The following ENOX1 variants were observed in gnomAD, a reference collection of about 807,000 sequenced individuals.
ENOX1 encodes the protein candidate growth-related and time keeping constitutive hydroquinone (NADH) oxidase.
Under a neutral mutation model 82.5 loss-of-function variants are expected in ENOX1, and 42 were observed. The ratio of observed to expected loss-of-function variants is 0.51; its 90% CI spans 0.40 to 0.66. The LOEUF is 0.66. Ranked by LOEUF, ENOX1 falls within the 30% of genes least tolerant of loss-of-function variation. ENOX1 has a pLI of 0.00. For missense variants in ENOX1, 608 were observed against 811.6 expected (o/e 0.75, Z 3.05); for synonymous variants, 271 against 282.2 (o/e 0.96, Z 0.40).
At chr13:43,647,390 CTTTCTGGTTAGAAGCCCAA>C (rs2083944950) in intron 2 of ENOX1, among the ~76,000 whole-genome samples, 1 of 152,180 alleles carries the variant, frequency 6.6e-6, no homozygotes, top group African/African-American at 2.4e-5. Flanking sequence ...ACACTGATCC[CTTTCTGGTTAGAAGCCCAA>C]TTTCTGATTG....
intron 2 of ENOX1, among the ~76,000 whole-genome samples, chr13:43,612,384 G>C (rs2082235105): frequency 1.3e-5 from 2 of 152,160 alleles, no homozygotes; most frequent in African/African-American, 4.8e-5. Context: ...TCATATTTGA[G>C]AGACAGAGTT....
In ENOX1 at chr13:43,270,732, G is replaced by GT. The variant is rs563499684; in HGVS notation, c.1447-1156dup. Among the ~76,000 whole-genome samples, 42 of 152,288 alleles carry GT rather than the reference G, an allele frequency of 2.8e-4. 2 individuals carry two copies. In the East Asian group the frequency reaches 4.6e-3, roughly 17 times the overall value. On this transcript the variant is annotated intron_variant, in intron 12 of 16. Coordinates refer to ENST00000690772, the MANE Select transcript of ENOX1 (RefSeq NM_001347969.2). ...GTTCTGCTAACTACTGTGGCACTGGGTATAAATGTAAGAACCTACTTTGGT... is the reference window on the plus strand; with the variant it reads ...GTTCTGCTAACTACTGTGGCACTGGGTTATAAATGTAAGAACCTACTTTGGT...
Position 43,249,828 on chromosome 13 carries a change from T to C in ENOX1, c.1612-13090A>G, listed in dbSNP as rs140638926. 4.6e-4 allele frequency among the ~76,000 whole-genome samples: 70 copies of C among 152,314 alleles called. 1 individual carries two copies. In the East Asian group the frequency reaches 0.012, roughly 26 times the overall value. On this transcript the variant is annotated intron_variant, in intron 14 of 16. Transcript: ENST00000690772. ...GCATACTGTGAGATCTTAGTAAACA[T>C]TGAATATCTTCCTTCTCTCACACCC... is the stretch of plus-strand genomic sequence containing the variant.
At chr13:43,368,190 A>T in intron 5 of ENOX1, among the ~76,000 whole-genome samples, 1 of 152,214 alleles carries the variant, frequency 6.6e-6, no homozygotes. Context: ...ATCCAGAGTG[A>T]GTTCCTGGTG....
intron 5 of ENOX1, among the ~76,000 whole-genome samples, chr13:43,363,140 C>T (rs1183888862): frequency 1.3e-5 from 2 of 152,164 alleles, no homozygotes; most frequent in African/African-American, 4.8e-5. Flanking sequence ...ACACAAAAGA[C>T]TTAAAGTTTT....
chr13:43,695,665 C>A (rs1253304938), intron 1 of ENOX1, among the ~76,000 whole-genome samples: 2 of 152,112 alleles, frequency 1.3e-5, no homozygotes, highest in Non-Finnish European at 2.9e-5. Context: ...CCAGGCTAGT[C>A]TCGAACTCCT....
chr13:43,640,900 ACACACACGCACG>A (rs1308922296), intron 2 of ENOX1, among the ~76,000 whole-genome samples: 4 of 59,374 alleles, frequency 6.7e-5, no homozygotes, highest in Non-Finnish European at 1.2e-4. Context: ...ACACACGTAC[ACACACACGCACG>A]CACACATACA....
intron 2 of ENOX1, among the ~76,000 whole-genome samples, chr13:43,500,578 G>C (rs1566389960): frequency 6.6e-6 from 1 of 152,006 alleles, no homozygotes; most frequent in African/African-American, 2.4e-5. Flanking sequence ...TATAAGAAGT[G>C]TGAAAGGGAG....
chr13:43,262,639 G>A (rs2044142597), intron 14 of ENOX1, among the ~76,000 whole-genome samples: 1 of 151,996 alleles, frequency 6.6e-6, no homozygotes, highest in South Asian at 2.1e-4. Context: ...TGATCCTCCT[G>A]CTTCAGCCTC....
chr13:43,538,018 G>A (rs1269318017), intron 2 of ENOX1, among the ~76,000 whole-genome samples: 3 of 152,252 alleles, frequency 2.0e-5, no homozygotes, highest in South Asian at 2.1e-4. Flanking sequence ...CTGGGCTAAG[G>A]ACCCAGCCTC....
At chr13:43,382,893 A>C (rs1444617614) in intron 5 of ENOX1, among the ~76,000 whole-genome samples, 3 of 152,218 alleles carry the variant, frequency 2.0e-5, no homozygotes, top group African/African-American at 7.2e-5. Context: ...CTTGGTTTCA[A>C]CTAGGGAATG....
chr13:43,500,134 T>C (rs1433093358), intron 2 of ENOX1, among the ~76,000 whole-genome samples: 1 of 152,050 alleles, frequency 6.6e-6, no homozygotes, highest in Non-Finnish European at 1.5e-5. Flanking sequence ...AGCAAACTAA[T>C]ATATGCATTA....
chr13:43,679,404 A>G lies in ENOX1; in HGVS notation c.-284-11860T>C, dbSNP rs539415617. ...ATCTGTGGCCTCATGACACACACAC[A>G]CGTTTTGGTAAAAGCTTCAAGGAGG... On this transcript the variant is annotated intron_variant, in intron 1 of 16. Transcript: ENST00000690772. 8.5e-5 allele frequency among the ~76,000 whole-genome samples: 13 copies of G among 152,230 alleles called. No homozygotes were observed. In the East Asian group the frequency reaches 2.3e-3, roughly 27 times the overall value.
At chr13:43,511,438 C>T in intron 2 of ENOX1, among the ~76,000 whole-genome samples, 1 of 152,090 alleles carries the variant, frequency 6.6e-6, no homozygotes, top group Non-Finnish European at 1.5e-5. Flanking sequence ...CTTTGTGCTC[C>T]ATAGTACTGA....
chr13:43,510,843 T>C (rs911538464), intron 2 of ENOX1, among the ~76,000 whole-genome samples: 2 of 152,118 alleles, frequency 1.3e-5, no homozygotes, highest in African/African-American at 2.4e-5. Context: ...ATTAAATAGA[T>C]TACTATCTGT....
chr13:43,218,159 A>C (rs9594911), intron 16 of ENOX1, among the ~76,000 whole-genome samples: 31,197 of 152,210 alleles, frequency 0.2, 3,714 homozygotes, highest in Non-Finnish European at 0.28. Flanking sequence ...ATTTTGAGAA[A>C]GCCAGAAATT....
intron 5 of ENOX1, among the ~76,000 whole-genome samples, chr13:43,400,270 A>G (rs2053419487): frequency 6.6e-6 from 1 of 151,582 alleles, no homozygotes; most frequent in Non-Finnish European, 1.5e-5. Flanking sequence ...CCAACCTTCC[A>G]TTCCTCATCA....
rs1318475919 is a variant in ENOX1, at chr13:43,213,235, C to A, written c.*755G>T. Among the ~76,000 whole-genome samples the A allele has an allele frequency of 1.3e-5, 2 of 152,072 alleles. No individual in the cohort carries two copies. The highest frequency in any genetic ancestry group is 2.9e-5 in the Non-Finnish European group (2 of 67,984). ...TTTTGATGCATAAACCTGAATGTTA[C>A]ATACCAAGTACAAGACAATAACACT... On this transcript the variant is annotated 3_prime_UTR_variant, in exon 17 of 17. Transcript: ENST00000690772.
At chr13:43,761,864 T>C (rs1950999267) in intron 1 of ENOX1, among the ~76,000 whole-genome samples, 1 of 151,946 alleles carries the variant, frequency 6.6e-6, no homozygotes, top group South Asian at 2.1e-4. Flanking sequence ...GAAAGAGCAA[T>C]AAAAAACAAT....
Sources: gnomAD v4.1 joint callset for allele counts (sites outside exome capture counted in the v4.1 genomes callset) on GRCh38, gnomAD v4.1.1 for gene constraint, MANE v1.5 for transcripts, NCBI Gene and HGNC (gene_info 2026-07-23, HGNC 2026-07-21) for gene names.